The following PDIA3 variants were observed in gnomAD, a reference collection of about 807,000 sequenced individuals.
PDIA3 encodes the protein protein disulfide isomerase family A member 3.
In PDIA3, 16 loss-of-function variants were observed where a neutral mutation model predicts 56.9. The observed-to-expected ratio is 0.28, with a 90% CI of 0.19 to 0.43. The LOEUF is 0.43. PDIA3 is among the 20% of genes least tolerant of loss of function. The probability of loss-of-function intolerance (pLI) is 1.00; values close to 1 mark genes in which losing one functional copy is unlikely to be tolerated. For synonymous variants in PDIA3, 192 were observed against 216.5 expected (o/e 0.89, Z 0.99); for missense variants, 485 against 621.3 (o/e 0.78, Z 2.33).
rs949756010 is a variant in PDIA3, at chr15:43,746,546, C to T, written c.7C>T (p.Leu3Phe). MR[L>F]RRLALFPGVA... ...CCCACCCCACCTCGCCGCCATGCGC[C>T]TCCGCCGCCTAGCGCTGTTCCCGGG... The change falls in exon 1 of 13, where the codon CTC becomes TTC. Residue 3 changes from leucine to phenylalanine, a missense_variant. Transcript: ENST00000300289. 38 of 1,602,364 alleles carry T rather than the reference C, an allele frequency of 2.4e-5. No individual in the cohort carries two copies. Among genetic ancestry groups the T allele is most frequent in the Non-Finnish European group, 3.1e-5 (36 of 1,175,796 alleles).
intron 3 of PDIA3, among the ~76,000 whole-genome samples, chr15:43,759,015 G>T (rs2086797802): frequency 6.6e-6 from 1 of 152,012 alleles, no homozygotes; most frequent in South Asian, 2.1e-4. Flanking sequence ...ACTAGGCCAG[G>T]CGTGGTGGCT....
At chr15:43,755,997 C>T (rs529434815) in intron 2 of PDIA3, among the ~76,000 whole-genome samples, 2 of 152,034 alleles carry the variant, frequency 1.3e-5, no homozygotes, top group East Asian at 3.9e-4. Flanking sequence ...CTTAGTTTAC[C>T]CATCTTAGAG....
intron 1 of PDIA3, among the ~76,000 whole-genome samples, chr15:43,749,930 G>A (rs1478541938): frequency 6.6e-6 from 1 of 151,888 alleles, no homozygotes; most frequent in African/African-American, 2.4e-5. Flanking sequence ...CTAAATGACA[G>A]TGTGAGACCA....
Position 43,746,450 on chromosome 15 carries a change from G to C in PDIA3, c.-90G>C. Reference sequence around the variant, plus strand: ...GTCCGCCTGGGCCAGACGCGCGAGCGCAAGCAGCGGGTTAGTGGTCGCGCG... The same window carrying C: ...GTCCGCCTGGGCCAGACGCGCGAGCCCAAGCAGCGGGTTAGTGGTCGCGCG... On this transcript the variant is annotated 5_prime_UTR_variant, in exon 1 of 13. Coordinates refer to ENST00000300289, the MANE Select transcript of PDIA3 (RefSeq NM_005313.5). 1 of 1,272,722 alleles carries C rather than the reference G, an allele frequency of 7.9e-7. No homozygotes were observed. Among genetic ancestry groups the C allele is most frequent in the Non-Finnish European group, 1.0e-6 (1 of 967,646 alleles). The allele number at this position is 1,272,722 out of a possible 1,614,324, so 78.8% of individuals were successfully genotyped here.
intron 11 of PDIA3, 73 bp downstream of exon 11, chr15:43,770,402 A>AGT (rs1179306633): frequency 7.2e-7 from 1 of 1,398,176 alleles, no homozygotes; most frequent in Non-Finnish European, 1.0e-6. Context: ...CCAGGAAATC[A>AGT]TTACTAGACA....
At chr15:43,750,772 CAA>C (rs900392033) in intron 1 of PDIA3, among the ~76,000 whole-genome samples, 1 of 134,990 alleles carries the variant, frequency 7.4e-6, no homozygotes, top group Non-Finnish European at 1.6e-5. Context: ...GACTCCTTCT[CAA>C]AAAAAAAAAA....
At chr15:43,747,271 C>T (rs139012992) in intron 1 of PDIA3, among the ~76,000 whole-genome samples, 1 of 152,332 alleles carries the variant, frequency 6.6e-6, no homozygotes, top group East Asian at 1.9e-4. Flanking sequence ...TTCAGCTGAT[C>T]ACTTACATCT....
intron 1 of PDIA3, chr15:43,752,873 GTGCTAGCTGTATA>G: frequency 2.1e-6 from 1 of 471,132 alleles, no homozygotes; most frequent in South Asian, 1.5e-5. Flanking sequence ...TGTACAGCTG[GTGCTAGCTGTATA>G]TACACTGATT....
At chr15:43,766,057 G>A (rs1193440033) in intron 7 of PDIA3, 45 bp downstream of exon 7, 2 of 1,544,794 alleles carry the variant, frequency 1.3e-6, no homozygotes, top group Admixed American at 3.5e-5. Context: ...TTTACCCAAT[G>A]TATAGACAGT....
chr15:43,747,457 T>A (rs1181421279), intron 1 of PDIA3, among the ~76,000 whole-genome samples: 1 of 152,174 alleles, frequency 6.6e-6, no homozygotes, highest in Non-Finnish European at 1.5e-5. Flanking sequence ...ACTTAAGTGA[T>A]CAAGGGTGTA....
chr15:43,765,342 T>A, intron 5 of PDIA3, 108 bp from the exon 6 acceptor site: 1 of 726,674 alleles, frequency 1.4e-6, no homozygotes, highest in South Asian at 1.6e-5. Flanking sequence ...AATCACACCA[T>A]TGCACTCCAG....
intron 3 of PDIA3, among the ~76,000 whole-genome samples, chr15:43,760,094 T>TCAAA (rs1567157302): frequency 6.7e-6 from 1 of 149,242 alleles, no homozygotes; most frequent in Non-Finnish European, 1.5e-5. Flanking sequence ...AAACTCCATC[T>TCAAA]CAAACAAACA....
chr15:43,770,608 A>C (rs772050389), intron 12 of PDIA3, 28 bp downstream of exon 12: 3 of 1,401,754 alleles, frequency 2.1e-6, no homozygotes, highest in Non-Finnish European at 3.0e-6. Flanking sequence ...TATCCCCACA[A>C]ATATATACAC....
chr15:43,750,059 A>G (rs1158207897), intron 1 of PDIA3, among the ~76,000 whole-genome samples: 1 of 52,252 alleles, frequency 1.9e-5, no homozygotes, highest in Admixed American at 2.6e-4. Flanking sequence ...TGAAAGGTGA[A>G]AGCTTGCTTT....
chr15:43,769,620 C>T lies in PDIA3; in HGVS notation c.1240C>T (p.Pro414Ser), dbSNP rs756115047. 47 of 1,613,502 alleles carry T rather than the reference C, an allele frequency of 2.9e-5. No homozygotes were observed. In the East Asian group the frequency reaches 4.9e-4, roughly 17 times the overall value. ...GTGTGGTCACTGTAAGAACCTGGAG[C>T]CCAAGTATAAAGAACTTGGCGAGAA... ...PWCGHCKNLEPKYKELGEKLS... is the reference protein window; with the variant it reads ...PWCGHCKNLESKYKELGEKLS... Residue 414 changes from proline to serine, a missense_variant, in exon 10 of 13, where the codon CCC becomes TCC. By Grantham distance (74) the Pro-to-Ser change is moderately conservative (BLOSUM62 -1). Coordinates refer to ENST00000300289, the MANE Select transcript of PDIA3 (RefSeq NM_005313.5).
chr15:43,757,965 C>T (rs971250398), intron 3 of PDIA3, among the ~76,000 whole-genome samples: 17 of 151,894 alleles, frequency 1.1e-4, no homozygotes, highest in South Asian at 6.2e-4. Context: ...ACGAAATAGG[C>T]CGGGCGCGGT....
chr15:43,764,772 A>C (rs1421804824), intron 5 of PDIA3, among the ~76,000 whole-genome samples: 1 of 152,030 alleles, frequency 6.6e-6, no homozygotes, highest in Admixed American at 6.6e-5. Flanking sequence ...CCAGCCCGCT[A>C]TTGTTTCTAA....
At chr15:43,763,055 G>A in intron 4 of PDIA3, 22 bp from the exon 5 acceptor site, 1 of 1,610,520 alleles carries the variant, frequency 6.2e-7, no homozygotes, top group Non-Finnish European at 8.5e-7. Context: ...CTTCTTCCTT[G>A]TGTTTAATAT....
At chr15:43,768,847 C>A (rs1359472371) in intron 9 of PDIA3, among the ~76,000 whole-genome samples, 1 of 152,128 alleles carries the variant, frequency 6.6e-6, no homozygotes, top group Non-Finnish European at 1.5e-5. Flanking sequence ...CATGGTGAAA[C>A]CCCGTATCTA....
Sources: allele counts gnomAD v4.1 joint callset (sites outside exome capture counted in the v4.1 genomes callset), GRCh38; gene constraint gnomAD v4.1.1; transcripts MANE v1.5; gene names NCBI Gene and HGNC (gene_info 2026-07-23, HGNC 2026-07-21).